The following ZDHHC14 variants were observed in gnomAD, a reference collection of about 807,000 sequenced individuals.
The protein encoded by ZDHHC14 is palmitoyltransferase ZDHHC14.
ZDHHC14 carries 16 observed loss-of-function variants against 47.7 expected under a neutral mutation model. That is an observed-to-expected ratio of 0.34 (90% CI 0.23 to 0.51). The LOEUF is 0.51. Among genes scored for constraint, ZDHHC14 ranks in the 20% least tolerant of loss-of-function variants. The probability of loss-of-function intolerance (pLI) is 0.97; values close to 1 mark genes in which losing one functional copy is unlikely to be tolerated. For synonymous variants in ZDHHC14, 293 were observed against 278.9 expected, an observed-to-expected ratio of 1.05 and a Z score of -0.50; for missense variants, 515 against 662.5, an observed-to-expected ratio of 0.78 and a Z score of 2.44.
At chr6:157,469,053 T>C (rs1252346876) in intron 1 of ZDHHC14, among the ~76,000 whole-genome samples, 1 of 152,218 alleles carries the variant, frequency 6.6e-6, no homozygotes, top group African/African-American at 2.4e-5. Flanking sequence ...TGGGACAAGA[T>C]GGCCAAAGGC....
At chr6:157,455,967 G>A (rs778032937) in intron 1 of ZDHHC14, among the ~76,000 whole-genome samples, 4 of 152,144 alleles carry the variant, frequency 2.6e-5, no homozygotes, top group Admixed American at 2.0e-4. Context: ...TCTGACTTGT[G>A]GGGGAAAGAA....
At chr6:157,588,537 G>A (rs973710338) in intron 2 of ZDHHC14, among the ~76,000 whole-genome samples, 50 of 152,320 alleles carry the variant, frequency 3.3e-4, no homozygotes, top group African/African-American at 1.1e-3. Flanking sequence ...CATGACATGC[G>A]AATCATGGGT....
chr6:157,411,585 A>G (rs1186751137), intron 1 of ZDHHC14, among the ~76,000 whole-genome samples: 1 of 152,158 alleles, frequency 6.6e-6, no homozygotes, highest in Non-Finnish European at 1.5e-5. Flanking sequence ...TTTCTTACAT[A>G]GAAGATAAGA....
At chr6:157,512,823 C>T (rs1316664653) in intron 1 of ZDHHC14, among the ~76,000 whole-genome samples, 1 of 152,202 alleles carries the variant, frequency 6.6e-6, no homozygotes, top group Non-Finnish European at 1.5e-5. Context: ...ACATAATATA[C>T]TCTGAAAATG....
rs141317599 is a variant in ZDHHC14 at position 157,426,867 on chromosome 6, C to T, written c.245+44601C>T. ...CGTTCACCTCCATAAGAGCGTTTTC[C>T]GTGGAAACGGAGACTTCATTGTAGT... is the stretch of plus-strand genomic sequence containing the variant. On this transcript the variant is annotated intron_variant, in intron 1 of 8. Transcript: ENST00000359775. Among the ~76,000 whole-genome samples the T allele has an allele frequency of 1.2e-3, 177 of 152,318 alleles. 2 individuals carry two copies. Among genetic ancestry groups the T allele is most frequent in the African/African-American group, 2.5e-3 (105 of 41,576 alleles).
chr6:157,426,442 G>A (rs148409233), intron 1 of ZDHHC14, among the ~76,000 whole-genome samples: 3,122 of 152,322 alleles, frequency 0.02, 98 homozygotes, highest in African/African-American at 0.07. Flanking sequence ...CCGCATTAGG[G>A]TCTTAGGATC....
At chr6:157,485,152 T>C (rs1246867344) in intron 1 of ZDHHC14, among the ~76,000 whole-genome samples, 2 of 152,194 alleles carry the variant, frequency 1.3e-5, no homozygotes, top group Admixed American at 6.5e-5. Context: ...GTTGGAATTA[T>C]AGACTCTTGG....
At chr6:157,483,071 A>T (rs892155535) in intron 1 of ZDHHC14, among the ~76,000 whole-genome samples, 6 of 152,204 alleles carry the variant, frequency 3.9e-5, no homozygotes, top group African/African-American at 9.6e-5. Context: ...GAATCCAGGC[A>T]AGATGTGATA....
chr6:157,567,409 A>G (rs1782942936), intron 2 of ZDHHC14, among the ~76,000 whole-genome samples: 1 of 152,074 alleles, frequency 6.6e-6, no homozygotes, highest in Non-Finnish European at 1.5e-5. Flanking sequence ...CACTCTAAGC[A>G]CTTAGGTTCC....
intron 5 of ZDHHC14, among the ~76,000 whole-genome samples, chr6:157,634,205 A>G (rs1049165949): frequency 1.3e-5 from 2 of 152,158 alleles, no homozygotes; most frequent in Non-Finnish European, 2.9e-5. Flanking sequence ...TCCAGATTCT[A>G]TCGTCAACTA....
At chr6:157,666,606 C>T (rs1778565137) in intron 8 of ZDHHC14, among the ~76,000 whole-genome samples, 1 of 152,164 alleles carries the variant, frequency 6.6e-6, no homozygotes, top group Non-Finnish European at 1.5e-5. Flanking sequence ...ATGCGTAACT[C>T]TAATGCTTTT....
intron 7 of ZDHHC14, among the ~76,000 whole-genome samples, chr6:157,649,203 G>A (rs1777701724): frequency 6.6e-6 from 1 of 152,216 alleles, no homozygotes; most frequent in African/African-American, 2.4e-5. Flanking sequence ...ATAGTGAAGA[G>A]TGTATTTGAA....
intron 1 of ZDHHC14, among the ~76,000 whole-genome samples, chr6:157,540,910 G>GTGTGTA (rs1284429244): frequency 0.013 from 1,617 of 122,938 alleles, 35 homozygotes; most frequent in Admixed American, 0.038. Context: ...GTGTGTGTGT[G>GTGTGTA]TATATATATA....
intron 3 of ZDHHC14, among the ~76,000 whole-genome samples, chr6:157,596,406 G>A (rs142742336): frequency 0.042 from 6,320 of 152,258 alleles, 182 homozygotes; most frequent in Non-Finnish European, 0.063. Flanking sequence ...TCCTTCCCAA[G>A]CACAGTAAAT....
chr6:157,474,016 T>G (rs1583680776), intron 1 of ZDHHC14, among the ~76,000 whole-genome samples: 1 of 142,460 alleles, frequency 7.0e-6, no homozygotes. Context: ...TGAGACGGAG[T>G]CTCGCTCTAT....
chr6:157,449,307 G>C (rs1181235008), intron 1 of ZDHHC14, among the ~76,000 whole-genome samples: 1 of 152,110 alleles, frequency 6.6e-6, no homozygotes, highest in East Asian at 1.9e-4. Context: ...AAAAAGAGGA[G>C]GGAAAGAGAA....
At chr6:157,405,532 G>T (rs536409768) in intron 1 of ZDHHC14, among the ~76,000 whole-genome samples, 1 of 151,842 alleles carries the variant, frequency 6.6e-6, no homozygotes, top group Non-Finnish European at 1.5e-5. Flanking sequence ...GTGCCTGGCC[G>T]AGCTCAAAAT....
At chr6:157,510,618 C>T (rs572352499) in intron 1 of ZDHHC14, among the ~76,000 whole-genome samples, 1 of 152,380 alleles carries the variant, frequency 6.6e-6, no homozygotes, top group Non-Finnish European at 1.5e-5. Flanking sequence ...CTCTCTTTCT[C>T]AGTCGCCTCT....
At chr6:157,538,363 G>A (rs1219342089) in intron 1 of ZDHHC14, among the ~76,000 whole-genome samples, 1 of 152,196 alleles carries the variant, frequency 6.6e-6, no homozygotes, top group African/African-American at 2.4e-5. Flanking sequence ...CTGTCTGAAG[G>A]AAGTTACAGG....
Sources: allele counts gnomAD v4.1 joint callset (sites outside exome capture counted in the v4.1 genomes callset), GRCh38; gene constraint gnomAD v4.1.1; transcripts MANE v1.5; gene names NCBI Gene and HGNC (gene_info 2026-07-23, HGNC 2026-07-21).